The following SNRPN variants were observed in gnomAD, a reference collection of about 807,000 sequenced individuals.
The protein encoded by SNRPN is small nuclear ribonucleoprotein polypeptide N.
SNRPN carries 7 observed loss-of-function variants against 25.2 expected under a neutral mutation model. That is an observed-to-expected ratio of 0.28 (90% CI 0.16 to 0.52). The LOEUF is 0.52. Among genes scored for constraint, SNRPN ranks in the 20% least tolerant of loss-of-function variants. The pLI is 0.96. For missense variants in SNRPN, 196 were observed against 322.5 expected (o/e 0.61, Z 3.00); for synonymous variants, 124 against 110.6 (o/e 1.12, Z -0.76).
chr15:24,835,845 A>G (rs2051128872), intron 2 of SNRPN, among the ~76,000 whole-genome samples: 1 of 152,010 alleles, frequency 6.6e-6, no homozygotes, highest in Non-Finnish European at 1.5e-5. Flanking sequence ...TTATTTTTTT[A>G]AGAGAGACAG....
chr15:24,935,426 T>C (rs1403423211), intron 3 of SNRPN, among the ~76,000 whole-genome samples: 4 of 152,082 alleles, frequency 2.6e-5, no homozygotes, highest in Non-Finnish European at 4.4e-5. Flanking sequence ...AACAGAAGGA[T>C]GGAGAAAGAG....
intron 3 of SNRPN, among the ~76,000 whole-genome samples, chr15:24,927,508 T>TAC (rs2060491989): frequency 1.9e-5 from 2 of 105,780 alleles, no homozygotes; most frequent in Admixed American, 1.0e-4. Flanking sequence ...TTTTTTTTTT[T>TAC]TTTTTTTTTT....
At chr15:24,857,633 T>C in intron 1 of SNRPN, among the ~76,000 whole-genome samples, 1 of 152,036 alleles carries the variant, frequency 6.6e-6, no homozygotes. Context: ...GTATTGGTCA[T>C]CTGGGTCGAT....
chr15:24,853,731 A>T (rs1451518655), upstream of SNRPN, among the ~76,000 whole-genome samples: 4 of 152,170 alleles, frequency 2.6e-5, no homozygotes, highest in African/African-American at 4.8e-5. Flanking sequence ...GGAAATTGCC[A>T]TTCTTATCAC....
chr15:24,932,593 A>G (rs945906312), intron 3 of SNRPN, among the ~76,000 whole-genome samples: 1 of 151,390 alleles, frequency 6.6e-6, no homozygotes, highest in Non-Finnish European at 1.5e-5. Context: ...CAAGAAGACT[A>G]TCTCTGTCAA....
At chr15:24,935,746 T>C (rs749746516) in intron 3 of SNRPN, among the ~76,000 whole-genome samples, 3 of 152,102 alleles carry the variant, frequency 2.0e-5, no homozygotes, top group Non-Finnish European at 4.4e-5. Flanking sequence ...TAAAATAAGG[T>C]TGAGCATAAG....
chr15:24,848,240 GGGCGGC>G (rs1566821426), intron 2 of SNRPN: 87 of 116,648 alleles, frequency 7.5e-4, no homozygotes, highest in Admixed American at 1.1e-3. Context: ...GTGGGGGCGG[GGGCGGC>G]GGCGGGGGCG....
At chr15:24,919,344 T>C (rs571389779) in intron 2 of SNRPN, among the ~76,000 whole-genome samples, 2 of 148,908 alleles carry the variant, frequency 1.3e-5, no homozygotes, top group African/African-American at 2.5e-5. Context: ...GGCAGGAGAA[T>C]GGCGTGAACC....
upstream of SNRPN, among the ~76,000 whole-genome samples, chr15:24,953,660 A>G (rs1316954364): frequency 3.3e-5 from 5 of 152,114 alleles, no homozygotes; most frequent in African/African-American, 1.2e-4. Context: ...ATCAGAGTCA[A>G]CTTCCCATGT....
intron 1 of SNRPN, among the ~76,000 whole-genome samples, chr15:24,828,233 G>C (rs1001358952): frequency 6.6e-6 from 1 of 152,082 alleles, no homozygotes; most frequent in Non-Finnish European, 1.5e-5. Flanking sequence ...GGCATAAAGA[G>C]TAATGGCAAT....
intron 1 of SNRPN, 132 bp downstream of exon 1, chr15:24,955,194 G>A: frequency 2.4e-6 from 3 of 1,236,680 alleles, no homozygotes; most frequent in East Asian, 2.5e-5. Context: ...CTTTGTTCTG[G>A]AGAACCAGAT....
At chr15:24,925,685 C>A (rs1466554208) in intron 3 of SNRPN, among the ~76,000 whole-genome samples, 1 of 152,024 alleles carries the variant, frequency 6.6e-6, no homozygotes, top group Non-Finnish European at 1.5e-5. Context: ...TCCAAGCGAT[C>A]CTCCCATCTC....
chr15:24,861,882 T>C (rs2054014571), intron 1 of SNRPN, among the ~76,000 whole-genome samples: 1 of 151,688 alleles, frequency 6.6e-6, no homozygotes, highest in Admixed American at 6.6e-5. Context: ...CTTGAAATTG[T>C]GCTTATGATA....
Position 24,954,998 on chromosome 15 carries a change from C to A in SNRPN, c.-455C>A. On this transcript the variant is annotated 5_prime_UTR_variant, in exon 1 of 10. Transcript: ENST00000390687. ...GCAGCGAGTCTGGCGCAGAGTGGAGCGGCCGCCGGAGATGCCTGACGCATC... is the reference window on the plus strand; with the variant it reads ...GCAGCGAGTCTGGCGCAGAGTGGAGAGGCCGCCGGAGATGCCTGACGCATC... 1 of 1,610,100 alleles carries A rather than the reference C, an allele frequency of 6.2e-7. No homozygotes were observed. Among genetic ancestry groups the A allele is most frequent in the Non-Finnish European group, 8.5e-7 (1 of 1,179,192 alleles).
intron 2 of SNRPN, among the ~76,000 whole-genome samples, chr15:24,917,308 C>T (rs2059587088): frequency 1.3e-5 from 2 of 152,106 alleles, no homozygotes; most frequent in Admixed American, 6.5e-5. Context: ...TCTCCATCAA[C>T]GATTTAGTTC....
At chr15:24,928,484 ATAAATAGCT>A (rs1331903553) in intron 3 of SNRPN, among the ~76,000 whole-genome samples, 1 of 152,148 alleles carries the variant, frequency 6.6e-6, no homozygotes, top group East Asian at 1.9e-4. Context: ...GCACAGAAAT[ATAAATAGCT>A]TAAAAAGTTG....
At chr15:24,959,047 T>A (rs1211830587) in intron 1 of SNRPN, among the ~76,000 whole-genome samples, 3 of 152,198 alleles carry the variant, frequency 2.0e-5, no homozygotes, top group Non-Finnish European at 2.9e-5. Flanking sequence ...CTTGAGATCT[T>A]AGTTAAATTT....
chr15:24,943,228 C>G (rs2061668547), intron 3 of SNRPN, among the ~76,000 whole-genome samples: 1 of 152,144 alleles, frequency 6.6e-6, no homozygotes. Context: ...CAACCAGGAA[C>G]ACTGTCCCAA....
intron 2 of SNRPN, among the ~76,000 whole-genome samples, chr15:24,887,282 G>C (rs781106885): frequency 6.6e-6 from 1 of 151,782 alleles, no homozygotes; most frequent in Non-Finnish European, 1.5e-5. Flanking sequence ...CATGTAGCTG[G>C]GATTACAGGC....
Sources: allele counts gnomAD v4.1 joint callset (sites outside exome capture counted in the v4.1 genomes callset), GRCh38; gene constraint gnomAD v4.1.1; transcripts MANE v1.5; gene names NCBI Gene and HGNC (gene_info 2026-07-23, HGNC 2026-07-21).